FBP1: variants seen among roughly 807,000 people sequenced by gnomAD.
FBP1 encodes fructose-bisphosphatase 1, also known as fructose-1,6-bisphosphatase 1.
In FBP1, 22 loss-of-function variants were observed where a neutral mutation model predicts 29.9. That is an observed-to-expected ratio of 0.74 (90% CI 0.53 to 1.05). FBP1 has a LOEUF of 1.05. Ranked by LOEUF, FBP1 falls within the 50% of genes least tolerant of loss-of-function variation. FBP1 has a pLI of 0.00. For synonymous variants in FBP1, 175 were observed against 178.6 expected (o/e 0.98, Z 0.16); for missense variants, 345 against 448.2 (o/e 0.77, Z 2.08).
chr9:94,639,577 C>G (rs939807642), upstream of FBP1: 3 of 570,926 alleles, frequency 5.3e-6, no homozygotes, highest in East Asian at 9.1e-5. Context: ...CCCCCGCCCC[C>G]GGGAACACTC....
intron 3 of FBP1, among the ~76,000 whole-genome samples, chr9:94,610,966 C>T (rs1460117580): frequency 6.6e-6 from 1 of 151,924 alleles, no homozygotes; most frequent in Non-Finnish European, 1.5e-5. Flanking sequence ...CGGGTTCACA[C>T]CATTCTCCTG....
At chr9:94,612,132 A>G (rs953430187) in intron 3 of FBP1, among the ~76,000 whole-genome samples, 19 of 152,322 alleles carry the variant, frequency 1.2e-4, no homozygotes, top group African/African-American at 4.6e-4. Flanking sequence ...AGTTTTGCCA[A>G]TGCACAACCT....
At chr9:94,628,524 AG>A (rs1465966473) in intron 1 of FBP1, among the ~76,000 whole-genome samples, 2 of 152,206 alleles carry the variant, frequency 1.3e-5, no homozygotes, top group Non-Finnish European at 2.9e-5. Context: ...AGTAGCAGGC[AG>A]CAAACAAGAG....
chr9:94,625,578 G>A (rs929834668), intron 1 of FBP1, among the ~76,000 whole-genome samples: 43 of 152,152 alleles, frequency 2.8e-4, no homozygotes, highest in African/African-American at 9.4e-4. Flanking sequence ...AGCGGATCAC[G>A]AGGTCAGGAG....
chr9:94,608,829 C>A (rs1356710498), intron 4 of FBP1, among the ~76,000 whole-genome samples: 1 of 152,164 alleles, frequency 6.6e-6, no homozygotes, highest in Admixed American at 6.5e-5. Flanking sequence ...TGTTCCTTGT[C>A]TGTTCCTGGG....
intron 2 of FBP1, among the ~76,000 whole-genome samples, chr9:94,618,230 C>T (rs925508833): frequency 7.9e-5 from 12 of 151,834 alleles, no homozygotes; most frequent in Non-Finnish European, 1.3e-4. Context: ...AAAAATAATT[C>T]CTTAGGTGAA....
chr9:94,609,887 A>G, intron 4 of FBP1, 34 bp downstream of exon 4: 2 of 1,612,722 alleles, frequency 1.2e-6, no homozygotes, highest in East Asian at 2.2e-5. Context: ...CACAGACACC[A>G]GCCAAGCCCC....
rs1828023669 is a variant in FBP1, at chr9:94,626,131, G to A, written c.171-5640C>T. On this transcript the variant is annotated intron_variant, in intron 1 of 6. Coordinates refer to ENST00000375326, the MANE Select transcript of FBP1 (RefSeq NM_000507.4). ...AAGCGTCCTTCCCCTCTTCTAGCAG[G>A]AAGGACCCTTCTCCAGCTATCCTCC... Among the ~76,000 whole-genome samples, 3 of 152,190 alleles carry A rather than the reference G, an allele frequency of 2.0e-5. No homozygotes were observed. The South Asian group carries it at 6.2e-4, about 32-fold the overall frequency.
At chr9:94,638,997 A>T in intron 1 of FBP1, 144 bp downstream of exon 1, 1 of 851,310 alleles carries the variant, frequency 1.2e-6, no homozygotes, top group Non-Finnish European at 1.9e-6. Flanking sequence ...GGGCTACCAG[A>T]CAGAGAGCGA....
intron 1 of FBP1, among the ~76,000 whole-genome samples, chr9:94,633,853 C>T (rs1476039576): frequency 6.6e-6 from 1 of 151,738 alleles, no homozygotes; most frequent in African/African-American, 2.4e-5. Flanking sequence ...TACAGGCGCC[C>T]GCCACCACGC....
intron 2 of FBP1, among the ~76,000 whole-genome samples, chr9:94,618,258 G>A (rs934417061): frequency 6.6e-6 from 1 of 151,884 alleles, no homozygotes; most frequent in Non-Finnish European, 1.5e-5. Context: ...CTTTGCTAGG[G>A]TTGAGATCTA....
intron 2 of FBP1, among the ~76,000 whole-genome samples, chr9:94,619,433 C>G (rs1827910216): frequency 6.6e-6 from 1 of 151,960 alleles, no homozygotes; most frequent in African/African-American, 2.4e-5. Flanking sequence ...TTTCTAATTA[C>G]AATTGTTGTT....
At chr9:94,618,764 G>A (rs562779888) in intron 2 of FBP1, among the ~76,000 whole-genome samples, 35 of 152,290 alleles carry the variant, frequency 2.3e-4, no homozygotes, top group Admixed American at 1.2e-3. Flanking sequence ...GGAGCTGGCT[G>A]GTATCGGCTC....
chr9:94,605,001 CT>C (rs1378318391), intron 6 of FBP1, among the ~76,000 whole-genome samples: 2 of 152,162 alleles, frequency 1.3e-5, no homozygotes, highest in African/African-American at 2.4e-5. Flanking sequence ...CTTTCCTCCC[CT>C]AAAAGGTATC....
chr9:94,607,898 T>C (rs1827724507), intron 4 of FBP1, among the ~76,000 whole-genome samples: 1 of 152,210 alleles, frequency 6.6e-6, no homozygotes, highest in Non-Finnish European at 1.5e-5. Flanking sequence ...CAGTGGCCAT[T>C]GAAAGGTGTC....
Position 94,610,602 on chromosome 9 carries a change from G to A in FBP1, c.427-541C>T, listed in dbSNP as rs1277677978. Among the ~76,000 whole-genome samples, 5 of 152,326 alleles carry A rather than the reference G, an allele frequency of 3.3e-5. No homozygotes were observed. In the East Asian group the frequency reaches 9.6e-4, roughly 29 times the overall value. On this transcript the variant is annotated intron_variant, in intron 3 of 6. Transcript: ENST00000375326. ...AATATCTCCCCAGAGTCATTATGGG[G>A]TAGAGCAGATGCTGTCCAGTGTTTT...
intron 6 of FBP1, among the ~76,000 whole-genome samples, chr9:94,605,220 G>A (rs1303809887): frequency 2.0e-5 from 3 of 152,108 alleles, no homozygotes; most frequent in South Asian, 2.1e-4. Flanking sequence ...TTCAGTCCTC[G>A]TCCTGACCGT....
chr9:94,610,205 G>A, intron 3 of FBP1, 144 bp from the exon 4 acceptor site: 1 of 791,976 alleles, frequency 1.3e-6, no homozygotes, highest in Non-Finnish European at 2.1e-6. Flanking sequence ...CTACACATCA[G>A]CAATATCCTG....
intron 4 of FBP1, among the ~76,000 whole-genome samples, chr9:94,607,321 C>T (rs1187238387): frequency 6.6e-6 from 1 of 152,078 alleles, no homozygotes; most frequent in Non-Finnish European, 1.5e-5. Context: ...ATGCCTTTAC[C>T]AAACAGAAAA....
Sources: gnomAD v4.1 joint callset for allele counts (sites outside exome capture counted in the v4.1 genomes callset) on GRCh38, gnomAD v4.1.1 for gene constraint, MANE v1.5 for transcripts, NCBI Gene and HGNC (gene_info 2026-07-23, HGNC 2026-07-21) for gene names.